Variants in NKIRAS1 observed in about 807,000 individuals in gnomAD.
NKIRAS1 encodes NF-kappa-B inhibitor-interacting Ras-like protein 1.
Under a neutral mutation model 19.8 loss-of-function variants are expected in NKIRAS1, and 16 were observed. The ratio of observed to expected loss-of-function variants is 0.81; its 90% confidence interval spans 0.55 to 1.23. The LOEUF is 1.23. Among genes scored for constraint, NKIRAS1 ranks in the 50% most tolerant of loss-of-function variants. The pLI, the probability that NKIRAS1 is intolerant of heterozygous loss-of-function variation, is 0.00. For missense variants in NKIRAS1, 184 were observed against 220.0 expected (o/e 0.84, Z 1.04); for synonymous variants, 88 against 79.0 (o/e 1.11, Z -0.61).
intron 1 of NKIRAS1, among the ~76,000 whole-genome samples, chr3:23,941,397 T>C (rs975517111): frequency 1.3e-5 from 2 of 152,220 alleles, no homozygotes; most frequent in African/African-American, 2.4e-5. Flanking sequence ...GTTAATTGTA[T>C]GTAAGGGCTA....
chr3:23,918,858 T>C (rs1220930557), upstream of NKIRAS1: 1 of 504,818 alleles, frequency 2.0e-6, no homozygotes, highest in Non-Finnish European at 3.5e-6. Context: ...ATATACTAAA[T>C]ATTTTTAAAG....
Position 23,890,796 on chromosome 3 carries a change from G to C in NKIRAS1, c.*2299C>G. The stretch of plus-strand genomic sequence containing the variant: ...GCTACAGTAGACAGAATTGGTAATA[G>C]CAACTTTTAAAATTGTCATTAGTTC... On this transcript the variant is annotated 3_prime_UTR_variant, in exon 5 of 5. Coordinates refer to ENST00000425478, the MANE Select transcript of NKIRAS1 (RefSeq NM_020345.4). 4.4e-6 allele frequency: 2 copies of C among 459,196 alleles called. No homozygotes were observed. The highest frequency in any genetic ancestry group is 3.8e-6 in the Non-Finnish European group (1 of 266,488). The allele number at this position is 459,196 out of a possible 1,614,324, so 28.4% of individuals were successfully genotyped here. A position where few individuals can be genotyped will look rare whatever the true frequency, so the allele number is the denominator to read the frequency against.
chr3:23,893,903 G>A (rs1701707691), intron 4 of NKIRAS1, among the ~76,000 whole-genome samples: 1 of 151,768 alleles, frequency 6.6e-6, no homozygotes, highest in Non-Finnish European at 1.5e-5. Flanking sequence ...TGGGAAATTG[G>A]CATCTAGGAT....
At chr3:23,912,422 C>CA (rs1373610720) in intron 1 of NKIRAS1, among the ~76,000 whole-genome samples, 2 of 152,002 alleles carry the variant, frequency 1.3e-5, no homozygotes, top group African/African-American at 4.8e-5. Context: ...TTTATGCAGC[C>CA]AACAGACACA....
In NKIRAS1 at chr3:23,916,872, C is replaced by G. The variant is rs952778347; in HGVS notation, c.-228G>C. On this transcript the variant is annotated 5_prime_UTR_variant, in exon 1 of 5. Coordinates refer to ENST00000425478, the MANE Select transcript of NKIRAS1 (RefSeq NM_020345.4). Reference sequence around the variant, plus strand: ...GCCTGGACCCCAACTTGCCTCCTCTCGCGGAGAGACAGTCGCCGACGCTCG... The same window carrying G: ...GCCTGGACCCCAACTTGCCTCCTCTGGCGGAGAGACAGTCGCCGACGCTCG... The G allele has an allele frequency of 1.3e-5, 2 of 152,878 alleles. No homozygotes were observed. Among genetic ancestry groups the G allele is most frequent in the Non-Finnish European group, 2.9e-5 (2 of 68,192 alleles). 9.5% of individuals were successfully genotyped at this position (152,878 alleles called of 1,614,324 possible). A position where few individuals can be genotyped will look rare whatever the true frequency, so the allele number is the denominator to read the frequency against.
chr3:23,901,312 C>T (rs1183957222), intron 3 of NKIRAS1, among the ~76,000 whole-genome samples: 2 of 151,830 alleles, frequency 1.3e-5, no homozygotes, highest in Middle Eastern at 3.4e-3. Context: ...CCAAGTAGTC[C>T]CTCCCAGCTG....
At chr3:23,934,035 C>T (rs1451438954) in intron 1 of NKIRAS1, among the ~76,000 whole-genome samples, 2 of 152,216 alleles carry the variant, frequency 1.3e-5, no homozygotes, top group Non-Finnish European at 2.9e-5. Flanking sequence ...TTAATACTAT[C>T]GCATAGTGAT....
chr3:23,943,988 G>C (rs1224695966), intron 1 of NKIRAS1, among the ~76,000 whole-genome samples: 1 of 152,182 alleles, frequency 6.6e-6, no homozygotes, highest in Non-Finnish European at 1.5e-5. Context: ...CTGCTGGGGA[G>C]AAGTGACTGT....
intron 4 of NKIRAS1, among the ~76,000 whole-genome samples, chr3:23,898,875 C>T (rs553164218): frequency 3.3e-5 from 5 of 152,280 alleles, no homozygotes; most frequent in Admixed American, 2.6e-4. Context: ...ACCTGAGCTC[C>T]GCCTCCTGTC....
chr3:23,921,461 T>C (rs566545630), upstream of NKIRAS1: 1 of 620,596 alleles, frequency 1.6e-6, no homozygotes, highest in African/African-American at 1.9e-5. Flanking sequence ...TTTACTCCAA[T>C]ATTAAGGGTC....
intron 3 of NKIRAS1, among the ~76,000 whole-genome samples, chr3:23,902,834 T>C (rs542828494): frequency 1.3e-5 from 2 of 152,154 alleles, no homozygotes; most frequent in Non-Finnish European, 1.5e-5. Context: ...GGGAATGAGT[T>C]CCACCATGAA....
upstream of NKIRAS1, chr3:23,921,578 T>TG: frequency 4.5e-6 from 3 of 670,116 alleles, no homozygotes; most frequent in South Asian, 3.2e-5. Flanking sequence ...GAGTTTTTTT[T>TG]TTTTTTTTTT....
At chr3:23,915,431 G>A (rs180953777) in intron 1 of NKIRAS1, among the ~76,000 whole-genome samples, 54 of 152,190 alleles carry the variant, frequency 3.5e-4, no homozygotes, top group African/African-American at 1.3e-3. Flanking sequence ...ACTAAAAGAC[G>A]GTAAATTTGT....
intron 1 of NKIRAS1, among the ~76,000 whole-genome samples, chr3:23,943,739 CAT>C (rs1246725997): frequency 1.3e-5 from 2 of 152,194 alleles, no homozygotes. Flanking sequence ...ATCAGCATCA[CAT>C]GAGGGTGATA....
rs6789983 is a variant in NKIRAS1, at chr3:23,892,624, T to G, written c.*471A>C. ...TACTACCCCAAACTGTTCAATGTTT[T>G]GGGTCCAATTTAGACACAAAAAAAT... On this transcript the variant is annotated 3_prime_UTR_variant, in exon 5 of 5. Coordinates refer to ENST00000425478, the MANE Select transcript of NKIRAS1 (RefSeq NM_020345.4). The G allele has an allele frequency of 0.18, 27,966 of 152,308 alleles. 2,587 individuals carry two copies. Among genetic ancestry groups the G allele is most frequent in the Non-Finnish European group, 0.2 (13,932 of 68,108 alleles). The allele number at this position is 152,308 out of a possible 1,614,324, so 9.4% of individuals were successfully genotyped here.
chr3:23,933,092 A>G (rs1005976455), intron 1 of NKIRAS1, among the ~76,000 whole-genome samples: 3 of 152,180 alleles, frequency 2.0e-5, no homozygotes, highest in Non-Finnish European at 4.4e-5. Context: ...CCAGAGATCG[A>G]TGGCTTGATT....
chr3:23,940,167 CCAAA>C (rs1705466850), intron 1 of NKIRAS1, among the ~76,000 whole-genome samples: 3 of 28,920 alleles, frequency 1.0e-4, no homozygotes, highest in Non-Finnish European at 7.5e-5. Flanking sequence ...CCCATCTCTA[CCAAA>C]AAAAAAAAAA....
upstream of NKIRAS1, chr3:23,920,457 CA>C: frequency 1.0e-6 from 1 of 985,410 alleles, no homozygotes; most frequent in Non-Finnish European, 1.2e-6. Flanking sequence ...TACCATTCCA[CA>C]AAGTTGGACC....
rs925751204 is a variant in NKIRAS1 at position 23,927,006 on chromosome 3, C to T, written c.-139-15556G>A. Among the ~76,000 whole-genome samples the T allele has an allele frequency of 1.3e-5, 2 of 152,140 alleles. No individual in the cohort carries two copies. Among genetic ancestry groups the T allele is most frequent in the Admixed American group, 1.3e-4 (2 of 15,276 alleles). ...TGAAATCCATGTCGCAGTTTTTAAC[C>T]AAGCAACACTCTCCACAGCCCCAAC... On this transcript the variant is annotated intron_variant, in intron 1 of 4. Transcript: ENST00000421515. This position sits in a 1 kb window ranked among gnomAD's most constrained non-coding sequence, Gnocchi z 4.0.
Sources: allele counts gnomAD v4.1 joint callset (sites outside exome capture counted in the v4.1 genomes callset), GRCh38; gene constraint gnomAD v4.1.1; non-coding constraint Gnocchi (gnomAD v3.1); transcripts MANE v1.5; gene names NCBI Gene and HGNC (gene_info 2026-07-23, HGNC 2026-07-21).